Variants in OPRM1 observed in about 807,000 individuals in gnomAD.
OPRM1 encodes opioid receptor mu 1, also known as mu-type opioid receptor.
Under a neutral mutation model 31.8 loss-of-function variants are expected in OPRM1, and 27 were observed. The ratio of observed to expected loss-of-function variants is 0.85; its 90% CI spans 0.63 to 1.17. The LOEUF (loss-of-function observed/expected upper bound fraction) is 1.17, where lower values mean the gene tolerates loss of function less well. Ranked by LOEUF, OPRM1 falls within the 50% of genes most tolerant of loss-of-function variation. OPRM1 has a pLI of 0.00. For synonymous variants in OPRM1, 196 were observed against 189.9 expected (o/e 1.03, Z -0.26); for missense variants, 536 against 511.1 (o/e 1.05, Z -0.47).
chr6:154,140,335 T>A (rs552961310), intron 3 of OPRM1, among the ~76,000 whole-genome samples: 21 of 134,138 alleles, frequency 1.6e-4, no homozygotes, highest in South Asian at 6.9e-4. Flanking sequence ...TTATTTTATT[T>A]TTTTTTTTTT....
At chr6:154,042,247 G>A (rs531314798) in intron 1 of OPRM1, among the ~76,000 whole-genome samples, 107 of 152,298 alleles carry the variant, frequency 7.0e-4, no homozygotes, top group Non-Finnish European at 1.4e-3. Flanking sequence ...GAAAGCATCT[G>A]GGGACTGAAG....
At chr6:154,135,484 G>GATAGAC (rs1554283098), downstream of OPRM1, among the ~76,000 whole-genome samples, 3 of 144,366 alleles carry the variant, frequency 2.1e-5, no homozygotes, top group Non-Finnish European at 4.5e-5. Context: ...AAAATATATA[G>GATAGAC]ATAGATATAG....
chr6:154,118,372 G>T (rs562103447), intron 3 of OPRM1, among the ~76,000 whole-genome samples: 13 of 152,296 alleles, frequency 8.5e-5, no homozygotes, highest in African/African-American at 3.1e-4. Context: ...GGTAAAAAAA[G>T]GGGGAGAAAG....
chr6:154,045,990 C>T (rs1385298007), intron 1 of OPRM1, among the ~76,000 whole-genome samples: 1 of 152,194 alleles, frequency 6.6e-6, no homozygotes, highest in Non-Finnish European at 1.5e-5. Flanking sequence ...TCTAGTTTCC[C>T]ACTCCTTGCC....
At chr6:154,102,822 A>G (rs1795029718) in intron 3 of OPRM1, among the ~76,000 whole-genome samples, 1 of 152,068 alleles carries the variant, frequency 6.6e-6, no homozygotes, top group Admixed American at 6.6e-5. Flanking sequence ...AATGCTTGAG[A>G]AAATTGGAAC....
Position 154,097,586 on chromosome 6 carries a change from C to CGTGTGTGTGT in OPRM1, c.1164+6128_1164+6137dup, listed in dbSNP as rs5881063. Among the ~76,000 whole-genome samples the CGTGTGTGTGT allele has an allele frequency of 7.4e-5, 11 of 149,612 alleles. No individual in the cohort carries two copies. The East Asian group carries it at 7.9e-4, about 11-fold the overall frequency. ...CTACAGTTTAAAAAGAAAATGGTTCCGTGTGTGTGTGTGTGTGTGTGTGCG... is the reference window on the plus strand; with the variant it reads ...CTACAGTTTAAAAAGAAAATGGTTCCGTGTGTGTGTGTGTGTGTGTGTGTGTGTGTGTGCG... On this transcript the variant is annotated intron_variant, in intron 3 of 3. Coordinates refer to ENST00000330432, the MANE Select transcript of OPRM1 (RefSeq NM_000914.5).
intron 3 of OPRM1, among the ~76,000 whole-genome samples, chr6:154,201,469 CA>C (rs1562538247): frequency 6.6e-6 from 1 of 152,084 alleles, no homozygotes; most frequent in African/African-American, 2.4e-5. Context: ...CCAACAAAAT[CA>C]AAAAATCTAG....
rs755840203 is a variant in OPRM1, at chr6:154,015,920, C to T, written c.-1+4902C>T. Among the ~76,000 whole-genome samples, 31 of 151,958 alleles carry T rather than the reference C, an allele frequency of 2.0e-4. 1 individual carries two copies. The highest frequency in any genetic ancestry group is 3.8e-4 in the Non-Finnish European group (26 of 67,928). ...AACTACACTGAGATATCATTTCTCA[C>T]CTACTAGATCAGCACAAATCCAAGA... On this transcript the variant is annotated intron_variant, in intron 1 of 5. Coordinates refer to the OPRM1 transcript ENST00000434900.
chr6:154,126,148 C>G lies in OPRM1; in HGVS notation c.*7427C>G, dbSNP rs494612. Among the ~76,000 whole-genome samples, 1 of 126,726 alleles carries G rather than the reference C, an allele frequency of 7.9e-6. No individual in the cohort carries two copies. The highest frequency in any genetic ancestry group is 2.6e-5 in the African/African-American group (1 of 38,086). 83.1% of individuals were successfully genotyped at this position (126,726 alleles called of 152,430 possible). A position where few individuals can be genotyped will look rare whatever the true frequency, so the allele number is the denominator to read the frequency against. On this transcript the variant is annotated 3_prime_UTR_variant, in exon 4 of 4. Transcript: ENST00000330432. ...ATTCACAGGGTTACAAAATACCAAA[C>G]GGAAATGAGATAAGTGGTATAAACC...
chr6:154,069,955 AAAAC>A (rs1370640312), intron 1 of OPRM1, among the ~76,000 whole-genome samples: 1 of 152,244 alleles, frequency 6.6e-6, no homozygotes, highest in Non-Finnish European at 1.5e-5. Context: ...ATAAGAAGGA[AAAAC>A]AAATGAAGTA....
chr6:154,201,417 T>C (rs768096307), intron 3 of OPRM1, among the ~76,000 whole-genome samples: 11 of 152,212 alleles, frequency 7.2e-5, no homozygotes, highest in Non-Finnish European at 1.5e-4. Context: ...AAAATAAAGA[T>C]TCAGCAACTC....
chr6:154,172,347 TG>T, intron 3 of OPRM1, among the ~76,000 whole-genome samples: 1 of 152,296 alleles, frequency 6.6e-6, no homozygotes, highest in Admixed American at 6.5e-5. Flanking sequence ...TCACCTCACC[TG>T]GGAAACACAA....
intron 3 of OPRM1, among the ~76,000 whole-genome samples, chr6:154,240,564 T>C (rs1488837523): frequency 6.6e-6 from 1 of 151,832 alleles, no homozygotes; most frequent in Non-Finnish European, 1.5e-5. Context: ...ACTTGCAGAA[T>C]AGCTGTCTCA....
intron 3 of OPRM1, among the ~76,000 whole-genome samples, chr6:154,201,869 T>A (rs1777099209): frequency 6.6e-6 from 1 of 152,186 alleles, no homozygotes; most frequent in African/African-American, 2.4e-5. Context: ...TACTCCAGCC[T>A]GGGCAACAGA....
chr6:154,071,564 A>T lies in OPRM1; in HGVS notation c.291-18262A>T, dbSNP rs1786739824. On this transcript the variant is annotated intron_variant, in intron 1 of 3. Coordinates refer to ENST00000330432, the MANE Select transcript of OPRM1 (RefSeq NM_000914.5). ...ATATCCCTGTAGTTTTAAAAAAAAA[A>T]TAGGTGTATTGATCTTGCTACAGCA... Among the ~76,000 whole-genome samples the T allele has an allele frequency of 2.0e-5, 3 of 152,102 alleles. No homozygotes were observed. The South Asian group carries it at 6.2e-4, about 31-fold the overall frequency.
chr6:154,058,811 A>G (rs1783840121), intron 1 of OPRM1, among the ~76,000 whole-genome samples: 1 of 152,138 alleles, frequency 6.6e-6, no homozygotes, highest in East Asian at 1.9e-4. Context: ...TAAATACACT[A>G]CATTAAAAAA....
At chr6:154,114,440 AAAAGAGAGAAAGAG>A (rs1562485572) in intron 3 of OPRM1, among the ~76,000 whole-genome samples, 1 of 152,164 alleles carries the variant, frequency 6.6e-6, no homozygotes, top group Non-Finnish European at 1.5e-5. Flanking sequence ...GCAGAAAAAA[AAAAGAGAGAAAGAG>A]AAAGAGAGAG....
chr6:154,031,379 T>C (rs1240183002), intron 1 of OPRM1, among the ~76,000 whole-genome samples: 1 of 152,188 alleles, frequency 6.6e-6, no homozygotes, highest in Non-Finnish European at 1.5e-5. Context: ...ACTGAGGAGC[T>C]GCTATATTCT....
At chr6:154,072,253 A>G (rs1786943927) in intron 1 of OPRM1, among the ~76,000 whole-genome samples, 1 of 152,200 alleles carries the variant, frequency 6.6e-6, no homozygotes, top group South Asian at 2.1e-4. Context: ...GTTAGGATCA[A>G]GAGAATGCAT....
Sources: gnomAD v4.1 joint callset for allele counts (sites outside exome capture counted in the v4.1 genomes callset) on GRCh38, gnomAD v4.1.1 for gene constraint, MANE v1.5 for transcripts, NCBI Gene and HGNC (gene_info 2026-07-23, HGNC 2026-07-21) for gene names.